The following KYNU variants were observed in gnomAD, a reference collection of about 807,000 sequenced individuals.
KYNU encodes the protein L-kynurenine hydrolase.
In KYNU, 54 loss-of-function variants were observed where a neutral mutation model predicts 59.2. That is an observed-to-expected ratio of 0.91 (90% CI 0.73 to 1.14). KYNU has a LOEUF of 1.14. Among genes scored for constraint, KYNU ranks in the 50% most tolerant of loss-of-function variants. The probability of loss-of-function intolerance (pLI) is 0.00; values close to 1 mark genes in which losing one functional copy is unlikely to be tolerated. For synonymous variants in KYNU, 177 were observed against 192.0 expected (o/e 0.92, Z 0.65); for missense variants, 567 against 554.4 (o/e 1.02, Z -0.23).
At chr2:142,897,396 C>A (rs1681916104) in intron 2 of KYNU, among the ~76,000 whole-genome samples, 1 of 152,140 alleles carries the variant, frequency 6.6e-6, no homozygotes, top group Non-Finnish European at 1.5e-5. Context: ...AAACTCAATT[C>A]AATATTACCA....
At chr2:143,026,613 A>C (rs1224585688) in intron 10 of KYNU, among the ~76,000 whole-genome samples, 1 of 152,192 alleles carries the variant, frequency 6.6e-6, no homozygotes, top group Non-Finnish European at 1.5e-5. Context: ...AGGTGTAGGA[A>C]CTGACCCCAC....
At chr2:142,910,031 T>C (rs1387396407) in intron 2 of KYNU, among the ~76,000 whole-genome samples, 1 of 152,196 alleles carries the variant, frequency 6.6e-6, no homozygotes, top group Non-Finnish European at 1.5e-5. Context: ...GCAGTTTTGA[T>C]TTGCATTTCA....
intron 4 of KYNU, among the ~76,000 whole-genome samples, chr2:142,943,065 G>C (rs536877775): frequency 6.6e-6 from 1 of 151,808 alleles, no homozygotes; most frequent in Non-Finnish European, 1.5e-5. Context: ...CTGATCACGA[G>C]TTTCAGGTTT....
intron 3 of KYNU, among the ~76,000 whole-genome samples, chr2:142,922,854 C>A (rs571103161): frequency 6.6e-6 from 1 of 152,274 alleles, no homozygotes; most frequent in East Asian, 1.9e-4. Flanking sequence ...ATACAAAATA[C>A]CTGAGTCTGG....
rs1375401546 is a variant in KYNU at position 143,055,235 on chromosome 2, TGAGATCAAAAG to T, written c.*13064_*13074del. On this transcript the variant is annotated 3_prime_UTR_variant, in exon 14 of 14. Transcript: ENST00000264170. ...GGTTAGAAGTTCAACATGGGTCTCA[TGAGATCAAAAG>T]CAAGGCCTTGGCAGGGTGACGTTTC... is the stretch of plus-strand genomic sequence containing the variant. 6.6e-6 allele frequency: 1 copy of T among 152,180 alleles called. No homozygotes were observed. Among genetic ancestry groups the T allele is most frequent in the East Asian group, 1.9e-4 (1 of 5,188 alleles). 9.4% of individuals were successfully genotyped at this position (152,180 alleles called of 1,614,324 possible). A position where few individuals can be genotyped will look rare whatever the true frequency, so the allele number is the denominator to read the frequency against.
At chr2:142,933,494 AAG>A (rs1371639556) in intron 4 of KYNU, among the ~76,000 whole-genome samples, 1 of 152,294 alleles carries the variant, frequency 6.6e-6, no homozygotes, top group East Asian at 1.9e-4. Context: ...AATCCTAGAA[AAG>A]AGAGAGAATT....
At chr2:143,036,621 A>G (rs770092577) in intron 12 of KYNU, among the ~76,000 whole-genome samples, 1 of 152,238 alleles carries the variant, frequency 6.6e-6, no homozygotes, top group Non-Finnish European at 1.5e-5. Context: ...GCTAGCAGAT[A>G]TTTAAGAATG....
intron 3 of KYNU, among the ~76,000 whole-genome samples, chr2:142,921,258 G>A (rs1682873805): frequency 6.6e-6 from 1 of 152,180 alleles, no homozygotes; most frequent in Non-Finnish European, 1.5e-5. Context: ...TTCCTAGCTG[G>A]AAGCTCCCAA....
chr2:143,024,735 C>T (rs980457078), intron 10 of KYNU, among the ~76,000 whole-genome samples: 1 of 152,002 alleles, frequency 6.6e-6, no homozygotes, highest in African/African-American at 2.4e-5. Flanking sequence ...CTGAGTTAAT[C>T]GCTCCCAACT....
chr2:142,926,244 G>A (rs1215447320), intron 3 of KYNU, among the ~76,000 whole-genome samples: 2 of 151,786 alleles, frequency 1.3e-5, no homozygotes, highest in East Asian at 1.9e-4. Context: ...AAACCTGCAC[G>A]TTCTGCACAT....
At chr2:142,935,541 G>A (rs1054331250) in intron 4 of KYNU, among the ~76,000 whole-genome samples, 1 of 152,188 alleles carries the variant, frequency 6.6e-6, no homozygotes, top group Non-Finnish European at 1.5e-5. Flanking sequence ...AGAGAATAAT[G>A]TAGAGGTCAT....
intron 7 of KYNU, 84 bp downstream of exon 7, chr2:142,957,799 C>A: frequency 3.5e-6 from 3 of 852,054 alleles, no homozygotes; most frequent in Non-Finnish European, 5.9e-6. Flanking sequence ...TTATTAAAAT[C>A]TTCATTACTT....
rs10528472 is a variant in KYNU at position 143,042,583 on chromosome 2, GATATATATATATAT to G, written c.*446_*459del. 0.053 allele frequency: 7,202 copies of G among 136,276 alleles called. 290 individuals carry two copies. Among genetic ancestry groups the G allele is most frequent in the African/African-American group, 0.1 (3,276 of 32,772 alleles). The allele number at this position is 136,276 out of a possible 1,614,324, so 8.4% of individuals were successfully genotyped here. On this transcript the variant is annotated 3_prime_UTR_variant, in exon 14 of 14. Coordinates refer to ENST00000264170, the MANE Select transcript of KYNU (RefSeq NM_003937.3). ...GAGTTTCTTTGAAGCATTGTAGTCT[GATATATATATATAT>G]ATATATATATATATATATATATATA...
chr2:142,982,330 T>C (rs1352747449), intron 8 of KYNU, among the ~76,000 whole-genome samples: 1 of 152,134 alleles, frequency 6.6e-6, no homozygotes, highest in Non-Finnish European at 1.5e-5. Context: ...AAAGTTGTCT[T>C]AATGTGGAAT....
intron 8 of KYNU, among the ~76,000 whole-genome samples, chr2:142,964,971 A>G (rs762884452): frequency 2.6e-5 from 4 of 152,034 alleles, no homozygotes; most frequent in Non-Finnish European, 5.9e-5. Context: ...ATGTTTCTAT[A>G]TTTTTCATAT....
chr2:143,006,210 G>C (rs1233141682), intron 10 of KYNU, among the ~76,000 whole-genome samples: 2 of 152,164 alleles, frequency 1.3e-5, no homozygotes, highest in Admixed American at 6.5e-5. Flanking sequence ...CACCGTGCGC[G>C]AGCCGAAACA....
At chr2:142,946,282 C>A (rs1683777079) in intron 4 of KYNU, among the ~76,000 whole-genome samples, 1 of 151,878 alleles carries the variant, frequency 6.6e-6, no homozygotes, top group Non-Finnish European at 1.5e-5. Flanking sequence ...TGGGGTTTCA[C>A]CATTTTGCTC....
At chr2:142,928,743 C>T (rs1160866669) in intron 4 of KYNU, among the ~76,000 whole-genome samples, 1 of 151,994 alleles carries the variant, frequency 6.6e-6, no homozygotes, top group Admixed American at 6.6e-5. Context: ...CATAGTGACA[C>T]ACACCTATAA....
intron 2 of KYNU, among the ~76,000 whole-genome samples, chr2:142,912,963 C>G (rs1360703706): frequency 6.6e-6 from 1 of 150,574 alleles, no homozygotes; most frequent in Non-Finnish European, 1.5e-5. Flanking sequence ...CCATCCACCT[C>G]AGCTCCCAAA....
Sources: gnomAD v4.1 joint callset for allele counts (sites outside exome capture counted in the v4.1 genomes callset) on GRCh38, gnomAD v4.1.1 for gene constraint, MANE v1.5 for transcripts, NCBI Gene and HGNC (gene_info 2026-07-23, HGNC 2026-07-21) for gene names.